Variants in PCDHGA2 observed in about 807,000 individuals in gnomAD.
The protein encoded by PCDHGA2 is protocadherin gamma subfamily A, 2, also known as protocadherin gamma-A2.
PCDHGA2 carries 40 observed loss-of-function variants against 59.2 expected under a neutral mutation model. The observed-to-expected ratio is 0.68, with a 90% CI of 0.52 to 0.88. The LOEUF (loss-of-function observed/expected upper bound fraction) is 0.88. Ranked by LOEUF, PCDHGA2 falls within the 40% of genes least tolerant of loss-of-function variation. PCDHGA2 has a pLI of 0.00. For synonymous variants in PCDHGA2, 560 were observed against 526.0 expected (o/e 1.06, Z -0.89); for missense variants, 1,226 against 1,204.0 (o/e 1.02, Z -0.27).
intron 1 of PCDHGA2, chr5:141,364,263 G>A (rs997057589): frequency 4.0e-6 from 6 of 1,505,766 alleles, no homozygotes; most frequent in Admixed American, 4.7e-5. Flanking sequence ...TGTACCCATC[G>A]GCTTTAGATA....
chr5:141,505,405 C>T lies in PCDHGA2; in HGVS notation c.2496C>T (p.Gly832=), dbSNP rs745516568. 2.5e-6 allele frequency: 4 copies of T among 1,614,130 alleles called. No individual in the cohort carries two copies. The highest frequency in any genetic ancestry group is 3.3e-4 in the Middle Eastern group (2 of 6,062). ...QRPGTSGSQN[G]DDTGTWPNNQ... ...ACTCTCTCCCCAGCTCCCAAAATGG[C>T]GATGACACCGGCACCTGGCCCAACA... Residue 832 remains glycine (G), a synonymous_variant, in exon 3 of 4, where the codon GGC becomes GGT. Transcript: ENST00000394576.
intron 2 of PCDHGA2, among the ~76,000 whole-genome samples, chr5:141,501,287 TTA>T (rs1491235092): frequency 6.2e-5 from 6 of 96,980 alleles, no homozygotes; most frequent in African/African-American, 2.5e-4. Context: ...GGATATTCCC[TTA>T]TACACACACA....
At chr5:141,383,976 C>T (rs1438303235) in intron 1 of PCDHGA2, 1 of 1,613,642 alleles carries the variant, frequency 6.2e-7, no homozygotes, top group Non-Finnish European at 8.5e-7. Context: ...TCCCTGAAGA[C>T]ACACCTCTTG....
intron 1 of PCDHGA2, chr5:141,400,341 C>A (rs754175136): frequency 6.2e-7 from 1 of 1,614,070 alleles, no homozygotes; most frequent in African/African-American, 1.3e-5. Flanking sequence ...TTCCCCCCAA[C>A]TACAGTCAGG....
At chr5:141,478,236 T>C (rs2099440813) in intron 1 of PCDHGA2, 3 of 1,614,156 alleles carry the variant, frequency 1.9e-6, no homozygotes, top group Non-Finnish European at 2.5e-6. Flanking sequence ...GGGTTTGTGG[T>C]CACAGTGTTC....
intron 1 of PCDHGA2, chr5:141,373,960 G>A: frequency 1.1e-6 from 1 of 939,502 alleles, no homozygotes; most frequent in African/African-American, 1.7e-5. Flanking sequence ...ATTCTGACCT[G>A]AAACGCTTCG....
intron 3 of PCDHGA2, 133 bp downstream of exon 3, chr5:141,505,614 AC>A: frequency 6.6e-7 from 1 of 1,510,758 alleles, no homozygotes; most frequent in Non-Finnish European, 8.9e-7. Flanking sequence ...GTCTGAAAGG[AC>A]CCACAATTCC....
At chr5:141,421,146 C>T in intron 1 of PCDHGA2, 1 of 1,015,090 alleles carries the variant, frequency 9.9e-7, no homozygotes, top group Non-Finnish European at 1.4e-6. Flanking sequence ...TGGATGTAGT[C>T]GGCCTAGGAC....
intron 1 of PCDHGA2, chr5:141,394,332 A>T (rs1270394666): frequency 1.9e-6 from 3 of 1,614,010 alleles, no homozygotes; most frequent in Non-Finnish European, 2.5e-6. Flanking sequence ...GTATATCTCC[A>T]TCAACTCTGA....
chr5:141,417,995 G>A (rs779307855), intron 1 of PCDHGA2: 74 of 1,613,786 alleles, frequency 4.6e-5, no homozygotes, highest in Admixed American at 1.7e-4. Flanking sequence ...CAAGGGCTCG[G>A]TGGTGGGGAA....
intron 1 of PCDHGA2, chr5:141,478,893 T>G (rs1469313900): frequency 1.8e-6 from 2 of 1,102,894 alleles, no homozygotes; most frequent in Admixed American, 3.1e-5. Flanking sequence ...TCATTTACAT[T>G]AGGAATAAGC....
chr5:141,412,343 A>T (rs928223487), intron 1 of PCDHGA2: 2 of 152,166 alleles, frequency 1.3e-5, no homozygotes, highest in African/African-American at 4.8e-5. Context: ...ATATATGTTC[A>T]TTTTAGTTTG....
intron 1 of PCDHGA2, among the ~76,000 whole-genome samples, chr5:141,346,805 A>G (rs1446286490): frequency 6.6e-6 from 1 of 152,214 alleles, no homozygotes; most frequent in African/African-American, 2.4e-5. Flanking sequence ...GAAACACAAC[A>G]CTGGTTTGTA....
intron 1 of PCDHGA2, chr5:141,344,547 C>T: frequency 6.2e-7 from 1 of 1,613,990 alleles, no homozygotes; most frequent in Non-Finnish European, 8.5e-7. Context: ...GAACTACAAG[C>T]TTAGCCCCAA....
intron 1 of PCDHGA2, chr5:141,389,274 C>T (rs183257097): frequency 1.2e-6 from 2 of 1,614,032 alleles, no homozygotes; most frequent in Non-Finnish European, 8.5e-7. Flanking sequence ...CGAGAACAAC[C>T]CGCCTGGAGC....
intron 1 of PCDHGA2, chr5:141,371,291 G>C: frequency 6.2e-7 from 1 of 1,613,976 alleles, no homozygotes; most frequent in Non-Finnish European, 8.5e-7. Context: ...GTAAAACGGG[G>C]GAACTCACCA....
In PCDHGA2 at chr5:141,476,352, T is replaced by C. The variant is rs2099389565; in HGVS notation, c.2425-18455T>C. The C allele has an allele frequency of 1.2e-6, 2 of 1,613,826 alleles. No individual in the cohort carries two copies. Among genetic ancestry groups the C allele is most frequent in the African/African-American group, 1.3e-5 (1 of 74,852 alleles). On this transcript the variant is annotated intron_variant, in intron 1 of 3. Transcript: ENST00000394576. The surrounding 1 kb of genome is among the most constrained non-coding windows in gnomAD (Gnocchi z 7.6). ...GGAGCTAGCCGAAGATTCTTTGAGG[T>C]GAACCGGGAGACCGGAGAGATGTTT...
At chr5:141,494,940 AG>A (rs888721888) in intron 2 of PCDHGA2, 75 bp downstream of exon 2, 1 of 1,610,860 alleles carries the variant, frequency 6.2e-7, no homozygotes, top group Non-Finnish European at 8.5e-7. Flanking sequence ...GAGATGGGGG[AG>A]GGCCCAGCAT....
intron 1 of PCDHGA2, chr5:141,404,795 G>A (rs769293241): frequency 5.0e-6 from 8 of 1,613,924 alleles, no homozygotes; most frequent in Admixed American, 1.7e-5. Flanking sequence ...CAGTGAGCCA[G>A]GGCTCTTCTC....
Sources: gnomAD v4.1 joint callset for allele counts (sites outside exome capture counted in the v4.1 genomes callset) on GRCh38, gnomAD v4.1.1 for gene constraint, Gnocchi (gnomAD v3.1) non-coding constraint, MANE v1.5 for transcripts, NCBI Gene and HGNC (gene_info 2026-07-23, HGNC 2026-07-21) for gene names.